The following MKLN1 variants were observed in gnomAD, a reference collection of about 807,000 sequenced individuals.
MKLN1 encodes muskelin.
MKLN1 carries 18 observed loss-of-function variants against 99.0 expected under a neutral mutation model. The observed-to-expected ratio is 0.18, with a 90% CI of 0.13 to 0.27. MKLN1 has a LOEUF of 0.27. Among genes scored for constraint, MKLN1 ranks in the 10% least tolerant of loss-of-function variants. The probability of loss-of-function intolerance (pLI) is 1.00; values close to 1 mark genes in which losing one functional copy is unlikely to be tolerated. For missense variants in MKLN1, 621 were observed against 875.9 expected (o/e 0.71, Z 3.67); for synonymous variants, 288 against 293.2 (o/e 0.98, Z 0.18).
chr7:131,293,423 C>T (rs1798249989), intron 3 of MKLN1, among the ~76,000 whole-genome samples: 2 of 152,158 alleles, frequency 1.3e-5, no homozygotes, highest in African/African-American at 4.8e-5. Context: ...GTAATTTTTG[C>T]ATTAGTTTAA....
chr7:131,111,286 G>T (rs1376011923), intron 1 of MKLN1, among the ~76,000 whole-genome samples: 1 of 152,090 alleles, frequency 6.6e-6, no homozygotes, highest in East Asian at 1.9e-4. Flanking sequence ...AACTGCTCAG[G>T]GTGTTATTAA....
intron 1 of MKLN1, among the ~76,000 whole-genome samples, chr7:131,137,563 TG>T (rs1391053166): frequency 1.3e-5 from 2 of 152,116 alleles, no homozygotes; most frequent in Non-Finnish European, 2.9e-5. Flanking sequence ...GAACTTTTTT[TG>T]TTGTGTTTTG....
chr7:131,356,552 C>T (rs1199296432), intron 1 of MKLN1, among the ~76,000 whole-genome samples: 1 of 152,016 alleles, frequency 6.6e-6, no homozygotes, highest in Non-Finnish European at 1.5e-5. Context: ...GGGTCTTGGC[C>T]TCTTGCTAGC....
chr7:131,215,837 T>C (rs1796973203), intron 3 of MKLN1, among the ~76,000 whole-genome samples: 1 of 152,152 alleles, frequency 6.6e-6, no homozygotes, highest in Non-Finnish European at 1.5e-5. Context: ...CATTCCTTCA[T>C]GTAAAGCCTA....
chr7:131,445,820 A>G lies in MKLN1; in HGVS notation c.1442A>G (p.Tyr481Cys), dbSNP rs1230689824. The G allele has an allele frequency of 6.2e-7, 1 of 1,608,734 alleles. No individual in the cohort carries two copies. Among genetic ancestry groups the G allele is most frequent in the Non-Finnish European group, 8.5e-7 (1 of 1,177,062 alleles). The change falls in exon 12 of 18, where the codon TAT (tyrosine) becomes TGT (cysteine). Residue 481 changes from tyrosine to cysteine, a missense_variant. By Grantham distance (194) the Tyr-to-Cys change is radical. Around this residue, in one of 8 missense-constraint regions of MKLN1, gnomAD observed 361 missense variants for 540.8 expected, o/e 0.67. Transcript: ENST00000352689. ...TTTGGTGGCCAGCGATCAAAGACCT[A>G]TTTGAATGATTTCTTTAGTTATGAT... ...YVFGGQRSKT[Y>C]LNDFFSYDVD... is the part of the protein sequence containing the mutation.
At chr7:131,317,687 G>C (rs756121595) in intron 3 of MKLN1, among the ~76,000 whole-genome samples, 1 of 148,704 alleles carries the variant, frequency 6.7e-6, no homozygotes, top group Non-Finnish European at 1.5e-5. Context: ...AGACCCATCA[G>C]TGTGCTGTAT....
At chr7:131,444,755 AGTAGAAGAAGT>A (rs1795951757) in intron 11 of MKLN1, among the ~76,000 whole-genome samples, 1 of 79,356 alleles carries the variant, frequency 1.3e-5, no homozygotes, top group East Asian at 6.2e-4. Flanking sequence ...TAGTAGTAGT[AGTAGAAGAAGT>A]AGTAGTAGTA....
chr7:131,437,779 C>G lies in MKLN1; in HGVS notation c.961-6C>G, dbSNP rs755824788. The G allele has an allele frequency of 3.8e-6, 6 of 1,597,118 alleles. No homozygotes were observed. The East Asian group carries it at 6.7e-5, about 18-fold the overall frequency. On this transcript the variant is annotated splice_polypyrimidine_tract_variant and splice_region_variant and intron_variant, in intron 9 of 17. Coordinates refer to ENST00000352689, the MANE Select transcript of MKLN1 (RefSeq NM_013255.5). ...TTATTTATTTATTTTCTCTCTCTCTCTACAGAATGGTCCTAGTGCCAGATC... is the reference window on the plus strand; with the variant it reads ...TTATTTATTTATTTTCTCTCTCTCTGTACAGAATGGTCCTAGTGCCAGATC...
chr7:131,476,582 GAAATT>G (rs1796974348), intron 16 of MKLN1, among the ~76,000 whole-genome samples: 1 of 152,158 alleles, frequency 6.6e-6, no homozygotes, highest in South Asian at 2.1e-4. Flanking sequence ...TCTGTTGTAA[GAAATT>G]AAAGAAGACC....
intron 2 of MKLN1, among the ~76,000 whole-genome samples, chr7:131,145,793 T>C (rs888398308): frequency 4.6e-5 from 7 of 152,216 alleles, no homozygotes; most frequent in African/African-American, 1.7e-4. Context: ...CCCATTAACA[T>C]TGGTCAACTG....
At chr7:131,280,218 A>G (rs1798031034) in intron 3 of MKLN1, among the ~76,000 whole-genome samples, 1 of 152,178 alleles carries the variant, frequency 6.6e-6, no homozygotes, top group South Asian at 2.1e-4. Context: ...GTTCATGGAC[A>G]TGGATTGTTT....
At chr7:131,391,675 C>T (rs528031439) in intron 4 of MKLN1, among the ~76,000 whole-genome samples, 56 of 152,172 alleles carry the variant, frequency 3.7e-4, no homozygotes, top group African/African-American at 1.3e-3. Flanking sequence ...CTTAAGTTAC[C>T]TTTTGTATAA....
intron 12 of MKLN1, among the ~76,000 whole-genome samples, chr7:131,461,382 A>G (rs1411781450): frequency 3.3e-5 from 5 of 151,932 alleles, no homozygotes; most frequent in African/African-American, 7.3e-5. Context: ...GGTGTAGGCT[A>G]TTATTAAGAT....
chr7:131,478,680 A>G lies in MKLN1; in HGVS notation c.2086+3A>G, dbSNP rs910725785. 9 of 1,601,350 alleles carry G rather than the reference A, an allele frequency of 5.6e-6. No homozygotes were observed. Among genetic ancestry groups the G allele is most frequent in the Non-Finnish European group, 5.9e-6 (7 of 1,176,738 alleles). The stretch of plus-strand genomic sequence containing the variant: ...TGGTTCAGATTTTACAGCTCTGGGT[A>G]AGTATTGCAGTATAATTTATCCAGC... On this transcript the variant is annotated splice_donor_region_variant and intron_variant, in intron 17 of 17. Transcript: ENST00000352689.
At chr7:131,274,031 C>T (rs533245872) in intron 3 of MKLN1, among the ~76,000 whole-genome samples, 79 of 152,070 alleles carry the variant, frequency 5.2e-4, no homozygotes, top group Non-Finnish European at 1.1e-3. Flanking sequence ...ATAGATCATA[C>T]ATTTGTTTTT....
chr7:131,319,024 G>A (rs4270881), intron 3 of MKLN1, among the ~76,000 whole-genome samples: 74,759 of 152,048 alleles, frequency 0.49, 18,915 homozygotes, highest in Admixed American at 0.6. Context: ...GTACAAAGAG[G>A]AGCTGGTACC....
At chr7:131,165,053 A>G (rs1444972784) in intron 2 of MKLN1, among the ~76,000 whole-genome samples, 6 of 152,188 alleles carry the variant, frequency 3.9e-5, no homozygotes, top group Non-Finnish European at 4.4e-5. Flanking sequence ...TATGGGGCAC[A>G]GAAGAAAAAA....
rs113752748 is a variant in MKLN1, at chr7:131,425,214, A to G, written c.848-3819A>G. 3.1e-3 allele frequency among the ~76,000 whole-genome samples: 476 copies of G among 152,266 alleles called. 1 individual carries two copies. The highest frequency in any genetic ancestry group is 0.011 in the African/African-American group (453 of 41,552). ...GCCAAGATCTGCCTGACTAGAGTACATGTTCATTAAAACACTTTTGACGTG... is the reference window on the plus strand; with the variant it reads ...GCCAAGATCTGCCTGACTAGAGTACGTGTTCATTAAAACACTTTTGACGTG... On this transcript the variant is annotated intron_variant, in intron 8 of 17. Transcript: ENST00000352689.
chr7:131,429,983 T>A (rs1795476426), intron 9 of MKLN1, among the ~76,000 whole-genome samples: 1 of 152,230 alleles, frequency 6.6e-6, no homozygotes, highest in South Asian at 2.1e-4. Flanking sequence ...ATGGCTTAGG[T>A]TTATGGCTTT....
Sources: gnomAD v4.1 joint callset for allele counts (sites outside exome capture counted in the v4.1 genomes callset) on GRCh38, gnomAD v4.1.1 for gene constraint, gnomAD v4.1.1 regional missense constraint, MANE v1.5 for transcripts, NCBI Gene and HGNC (gene_info 2026-07-23, HGNC 2026-07-21) for gene names.